EXOC4: variants seen among roughly 807,000 people sequenced by gnomAD.
EXOC4 encodes exocyst complex component 4, also known as SEC8-like 1.
EXOC4 carries 71 observed loss-of-function variants against 107.2 expected under a neutral mutation model. The observed-to-expected ratio is 0.66, with a 90% CI of 0.55 to 0.81. The LOEUF is 0.81. EXOC4 is among the 30% of genes least tolerant of loss of function. The pLI, the probability that EXOC4 is intolerant of heterozygous loss-of-function variation, is 0.00. For missense variants in EXOC4, 1,108 were observed against 1,189.6 expected, an observed-to-expected ratio of 0.93 and a Z score of 1.01; for synonymous variants, 456 against 441.2, an observed-to-expected ratio of 1.03 and a Z score of -0.42.
At chr7:133,904,255 G>C (rs936841475) in intron 12 of EXOC4, among the ~76,000 whole-genome samples, 5 of 152,120 alleles carry the variant, frequency 3.3e-5, no homozygotes, top group African/African-American at 1.2e-4. Context: ...AAAGAAAGGG[G>C]AAAATCCCTG....
At chr7:133,294,665 G>C (rs1473696039) in intron 3 of EXOC4, among the ~76,000 whole-genome samples, 2 of 152,124 alleles carry the variant, frequency 1.3e-5, no homozygotes, top group Admixed American at 1.3e-4. Flanking sequence ...TTTGCTGAGA[G>C]AATGGTGTAA....
intron 5 of EXOC4, among the ~76,000 whole-genome samples, chr7:133,324,586 G>A (rs1369427228): frequency 2.0e-5 from 3 of 152,060 alleles, no homozygotes; most frequent in African/African-American, 7.2e-5. Flanking sequence ...AGTTTGTTGT[G>A]ATTTCTGTTC....
At chr7:133,397,395 A>G (rs572056277) in intron 7 of EXOC4, among the ~76,000 whole-genome samples, 2 of 151,702 alleles carry the variant, frequency 1.3e-5, no homozygotes, top group South Asian at 4.2e-4. Flanking sequence ...CGGCCTCCCA[A>G]AGTGCTGGGA....
At chr7:133,574,673 T>C (rs1801091492) in intron 9 of EXOC4, among the ~76,000 whole-genome samples, 1 of 152,210 alleles carries the variant, frequency 6.6e-6, no homozygotes, top group East Asian at 1.9e-4. Context: ...GCATGACCAT[T>C]GCTTCTCAGA....
At position 133,783,822 on chromosome 7, in the gene EXOC4, A is replaced by T. The variant is rs113892717; in HGVS notation, c.1515-33503A>T. On this transcript the variant is annotated intron_variant, in intron 10 of 17. Transcript: ENST00000253861. Reference sequence around the variant, plus strand: ...CAGATTTGGGGCTGTGATGCTTTCAAACTTTGCCAGACTCTTTCATACAAT... The same window carrying T: ...CAGATTTGGGGCTGTGATGCTTTCATACTTTGCCAGACTCTTTCATACAAT... Among the ~76,000 whole-genome samples the T allele has an allele frequency of 2.4e-3, 373 of 152,300 alleles. 1 individual carries two copies. Among genetic ancestry groups the T allele is most frequent in the South Asian group, 0.013 (64 of 4,812 alleles).
At chr7:134,023,122 T>G (rs1251701603) in intron 17 of EXOC4, among the ~76,000 whole-genome samples, 1 of 152,230 alleles carries the variant, frequency 6.6e-6, no homozygotes, top group Non-Finnish European at 1.5e-5. Flanking sequence ...TAGGACTCTG[T>G]GCTTTTACAT....
At chr7:133,610,165 A>G (rs907728734) in intron 9 of EXOC4, among the ~76,000 whole-genome samples, 1 of 152,192 alleles carries the variant, frequency 6.6e-6, no homozygotes, top group African/African-American at 2.4e-5. Context: ...TTCTTTAGGG[A>G]AGTTGACACC....
chr7:133,736,891 T>A (rs574036347), intron 10 of EXOC4, among the ~76,000 whole-genome samples: 1 of 152,322 alleles, frequency 6.6e-6, no homozygotes, highest in African/African-American at 2.4e-5. Flanking sequence ...TTTACATATA[T>A]CATTGGCATT....
intron 10 of EXOC4, among the ~76,000 whole-genome samples, chr7:133,759,017 C>T (rs1795977552): frequency 6.6e-6 from 1 of 152,036 alleles, no homozygotes; most frequent in Non-Finnish European, 1.5e-5. Context: ...ATCATGTGGA[C>T]AGAGTAGACA....
At chr7:133,947,979 G>A (rs1800594915) in intron 14 of EXOC4, among the ~76,000 whole-genome samples, 1 of 152,150 alleles carries the variant, frequency 6.6e-6, no homozygotes, top group Non-Finnish European at 1.5e-5. Context: ...GCTCTAAAAT[G>A]GCATGCTGAA....
chr7:133,684,748 A>G (rs1182563359), intron 10 of EXOC4, among the ~76,000 whole-genome samples: 1 of 152,142 alleles, frequency 6.6e-6, no homozygotes, highest in Non-Finnish European at 1.5e-5. Context: ...GAAACTAAAA[A>G]CCAGAACAGT....
chr7:133,699,384 A>T (rs1794607747), intron 10 of EXOC4, among the ~76,000 whole-genome samples: 1 of 152,180 alleles, frequency 6.6e-6, no homozygotes, highest in Admixed American at 6.5e-5. Flanking sequence ...CAAAGAGTTT[A>T]TTCAGGAATA....
chr7:133,380,440 A>G (rs1401295755), intron 7 of EXOC4, among the ~76,000 whole-genome samples: 3 of 152,084 alleles, frequency 2.0e-5, no homozygotes, highest in African/African-American at 7.2e-5. Flanking sequence ...TTGTACAACC[A>G]TCACAATCAT....
chr7:134,033,079 A>G (rs1355435852), intron 17 of EXOC4, among the ~76,000 whole-genome samples: 17 of 152,192 alleles, frequency 1.1e-4, no homozygotes, highest in South Asian at 2.1e-4. Flanking sequence ...TAGGAAGAAG[A>G]TGGAACATTG....
chr7:133,376,091 G>T (rs2150691696), intron 7 of EXOC4, among the ~76,000 whole-genome samples: 1 of 152,252 alleles, frequency 6.6e-6, no homozygotes, highest in South Asian at 2.1e-4. Flanking sequence ...AGTAAATCAT[G>T]AATGTAAATT....
chr7:133,627,535 A>G (rs1802485484), intron 9 of EXOC4, among the ~76,000 whole-genome samples: 2 of 152,144 alleles, frequency 1.3e-5, no homozygotes, highest in South Asian at 2.1e-4. Flanking sequence ...AATATATCCT[A>G]GTTTCTTCTA....
At chr7:133,601,053 G>A (rs1339938603) in intron 9 of EXOC4, among the ~76,000 whole-genome samples, 1 of 152,210 alleles carries the variant, frequency 6.6e-6, no homozygotes, top group Non-Finnish European at 1.5e-5. Flanking sequence ...AAATGCAACA[G>A]ATGTACACTG....
chr7:133,848,121 CACACTGGGCGG>C (rs1404100586), intron 11 of EXOC4, among the ~76,000 whole-genome samples: 1 of 151,994 alleles, frequency 6.6e-6, no homozygotes, highest in Non-Finnish European at 1.5e-5. Context: ...ATGAGAGCCC[CACACTGGGCGG>C]TACACTGCAC....
chr7:133,967,620 C>T (rs1374848780), intron 14 of EXOC4, among the ~76,000 whole-genome samples: 2 of 152,148 alleles, frequency 1.3e-5, no homozygotes, highest in Non-Finnish European at 2.9e-5. Context: ...TGTTTAGTTT[C>T]CATGAAGTTG....
Sources: allele counts gnomAD v4.1 joint callset (sites outside exome capture counted in the v4.1 genomes callset), GRCh38; gene constraint gnomAD v4.1.1; transcripts MANE v1.5; gene names NCBI Gene and HGNC (gene_info 2026-07-23, HGNC 2026-07-21).